The following NDUFB3 variants were observed in gnomAD, a reference collection of about 807,000 sequenced individuals.
The protein encoded by NDUFB3 is NADH:ubiquinone oxidoreductase subunit B3.
In NDUFB3, 7 loss-of-function variants were observed where a neutral mutation model predicts 9.0. The observed-to-expected ratio is 0.78, with a 90% CI of 0.44 to 1.46. NDUFB3 has a LOEUF of 1.46. Ranked by LOEUF, NDUFB3 falls within the 40% of genes most tolerant of loss-of-function variation. The pLI is 0.01. For synonymous variants in NDUFB3, 29 were observed against 38.5 expected, an observed-to-expected ratio of 0.75 and a Z score of 0.91; for missense variants, 93 against 115.4, an observed-to-expected ratio of 0.81 and a Z score of 0.89.
In NDUFB3 at chr2:201,072,025, G is replaced by A. The variant is rs543601685; in HGVS notation, c.-37G>A. On this transcript the variant is annotated 5_prime_UTR_variant, in exon 1 of 3. Coordinates refer to ENST00000237889, the MANE Select transcript of NDUFB3 (RefSeq NM_002491.3). Reference sequence around the variant, plus strand: ...CCGTTTCCGGTTGGCTCCGGTTGCAGAGTTGAGTGTCCTGAGAGGTCAGAT... The same window carrying A: ...CCGTTTCCGGTTGGCTCCGGTTGCAAAGTTGAGTGTCCTGAGAGGTCAGAT... 2.0e-5 allele frequency: 3 copies of A among 152,286 alleles called. No individual in the cohort carries two copies. The highest frequency in any genetic ancestry group is 4.4e-5 in the Non-Finnish European group (3 of 68,070). The allele number at this position is 152,286 out of a possible 1,614,324, so 9.4% of individuals were successfully genotyped here.
At chr2:201,083,356 T>C (rs1042416203) in intron 2 of NDUFB3, among the ~76,000 whole-genome samples, 2 of 148,554 alleles carry the variant, frequency 1.3e-5, no homozygotes, top group Admixed American at 1.3e-4. Context: ...TATTTCTTTT[T>C]TTTTTTTTTT....
rs192842973 is a variant in NDUFB3 at position 201,073,021 on chromosome 2, A to G, written c.-3+962A>G. 1.9e-3 allele frequency among the ~76,000 whole-genome samples: 287 copies of G among 152,282 alleles called. 1 individual carries two copies. The highest frequency in any genetic ancestry group is 6.3e-3 in the African/African-American group (260 of 41,558). On this transcript the variant is annotated intron_variant, in intron 1 of 2. Transcript: ENST00000237889. ...AGTATATATGTAGTGTTAAATTTTC[A>G]TGGCGGGGGGTGTGATTAGGAATAA...
chr2:201,078,273 G>T (rs760087838), intron 1 of NDUFB3, among the ~76,000 whole-genome samples: 1 of 152,090 alleles, frequency 6.6e-6, no homozygotes, highest in South Asian at 2.1e-4. Context: ...CTGCACTCCA[G>T]CCTGAGCGAC....
intron 1 of NDUFB3, among the ~76,000 whole-genome samples, chr2:201,072,663 T>A (rs1394929441): frequency 6.6e-6 from 1 of 152,232 alleles, no homozygotes; most frequent in African/African-American, 2.4e-5. Context: ...CTGTTATTAT[T>A]TGAGCTGCTC....
intron 2 of NDUFB3, among the ~76,000 whole-genome samples, chr2:201,080,170 A>G (rs2047207350): frequency 6.6e-6 from 1 of 152,222 alleles, no homozygotes; most frequent in African/African-American, 2.4e-5. Context: ...GATGAAGATT[A>G]GTATTTTTAC....
rs149610380 is a variant in NDUFB3 at position 201,073,269 on chromosome 2, A to T, written c.-3+1210A>T. Among the ~76,000 whole-genome samples, 396 of 152,300 alleles carry T rather than the reference A, an allele frequency of 2.6e-3. 1 individual carries two copies. Among genetic ancestry groups the T allele is most frequent in the Non-Finnish European group, 3.2e-3 (219 of 68,012 alleles). On this transcript the variant is annotated intron_variant, in intron 1 of 2. Transcript: ENST00000237889. ...CATTTCAATCTATATAAATGGGTTCAGAGTGCATGTGTATTTTTTTCTGAC... is the reference window on the plus strand; with the variant it reads ...CATTTCAATCTATATAAATGGGTTCTGAGTGCATGTGTATTTTTTTCTGAC...
chr2:201,073,264 G>A (rs1403859037), intron 1 of NDUFB3, among the ~76,000 whole-genome samples: 4 of 151,928 alleles, frequency 2.6e-5, no homozygotes, highest in Admixed American at 2.0e-4. Flanking sequence ...TATATAAATG[G>A]GTTCAGAGTG....
intron 2 of NDUFB3, among the ~76,000 whole-genome samples, chr2:201,079,267 C>A (rs535680125): frequency 1.4e-4 from 22 of 151,920 alleles, no homozygotes; most frequent in Non-Finnish European, 2.9e-4. Flanking sequence ...GCCTCAGCCT[C>A]CCAAGCAGCT....
intron 2 of NDUFB3, among the ~76,000 whole-genome samples, chr2:201,083,135 A>G (rs1179418571): frequency 6.6e-6 from 1 of 151,978 alleles, no homozygotes; most frequent in Non-Finnish European, 1.5e-5. Flanking sequence ...TAAACTTTTT[A>G]TTTCTTTTTC....
rs560441197 is a variant in NDUFB3, at chr2:201,085,553, G to A, written c.235G>A (p.Val79Met). 8 of 1,612,758 alleles carry A rather than the reference G, an allele frequency of 5.0e-6. No homozygotes were observed. The highest frequency in any genetic ancestry group is 1.7e-5 in the Admixed American group (1 of 59,914). ...ATTCAAATGGGGATTTGCTGCATTT[G>A]TGGTAGCTGTAGGAGCTGAATATTA... ...KGFKWGFAAF[V>M]VAVGAEYYLE... Residue 79 changes from valine to methionine, a missense_variant, in exon 3 of 3, where the codon GTG (valine) becomes ATG (methionine). Physicochemically the swap from Val to Met is conservative, Grantham distance 21. Transcript: ENST00000237889.
At chr2:201,078,052 C>T (rs1469161147) in intron 1 of NDUFB3, among the ~76,000 whole-genome samples, 1 of 151,626 alleles carries the variant, frequency 6.6e-6, no homozygotes, top group Non-Finnish European at 1.5e-5. Flanking sequence ...CTTGTAATCC[C>T]AGCACTTTGG....
At chr2:201,075,316 A>G (rs2047152185) in intron 1 of NDUFB3, among the ~76,000 whole-genome samples, 1 of 152,106 alleles carries the variant, frequency 6.6e-6, no homozygotes, top group Admixed American at 6.6e-5. Flanking sequence ...CTGTAATCCC[A>G]GCACTTTGGG....
At chr2:201,078,197 C>G (rs997399918) in intron 1 of NDUFB3, among the ~76,000 whole-genome samples, 2 of 151,986 alleles carry the variant, frequency 1.3e-5, no homozygotes, top group African/African-American at 2.4e-5. Flanking sequence ...AGCTACTCGC[C>G]AGGCTGAGGC....
Position 201,084,057 on chromosome 2 carries a change from G to A in NDUFB3, c.141-1402G>A, listed in dbSNP as rs982454426. Among the ~76,000 whole-genome samples, 4 of 152,104 alleles carry A rather than the reference G, an allele frequency of 2.6e-5. No homozygotes were observed. In the South Asian group the frequency reaches 6.2e-4, roughly 24 times the overall value. ...TGTAATCCCAGCACTTTGGGAGGCC[G>A]AGGTGGGTGAATCACAAGGTCAGAA... On this transcript the variant is annotated intron_variant, in intron 2 of 2. Coordinates refer to ENST00000237889, the MANE Select transcript of NDUFB3 (RefSeq NM_002491.3).
At chr2:201,074,371 G>A (rs567276784) in intron 1 of NDUFB3, among the ~76,000 whole-genome samples, 45 of 151,954 alleles carry the variant, frequency 3.0e-4, no homozygotes, top group African/African-American at 9.4e-4. Flanking sequence ...TCAAGTGCTA[G>A]TGGCTACCAT....
chr2:201,074,679 C>T (rs1269166340), intron 1 of NDUFB3, among the ~76,000 whole-genome samples: 1 of 152,086 alleles, frequency 6.6e-6, no homozygotes, highest in African/African-American at 2.4e-5. Flanking sequence ...CTGGTCTCAA[C>T]TCCTGGCCTC....
At chr2:201,073,325 A>C (rs1390584664) in intron 1 of NDUFB3, among the ~76,000 whole-genome samples, 3 of 152,186 alleles carry the variant, frequency 2.0e-5, no homozygotes, top group African/African-American at 7.2e-5. Context: ...ATATTTGTGG[A>C]GATTCAATCA....
chr2:201,076,504 T>TAC (rs2125532738), intron 1 of NDUFB3, among the ~76,000 whole-genome samples: 1 of 146,426 alleles, frequency 6.8e-6, no homozygotes, highest in African/African-American at 2.5e-5. Context: ...TATATATATA[T>TAC]ATATATATAA....
At chr2:201,075,509 T>C (rs1575542313) in intron 1 of NDUFB3, among the ~76,000 whole-genome samples, 1 of 135,732 alleles carries the variant, frequency 7.4e-6, no homozygotes, top group South Asian at 2.2e-4. Flanking sequence ...CAGGTTGCAG[T>C]GAGCCAAGAT....
Sources: allele counts gnomAD v4.1 joint callset (sites outside exome capture counted in the v4.1 genomes callset), GRCh38; gene constraint gnomAD v4.1.1; transcripts MANE v1.5; gene names NCBI Gene and HGNC (gene_info 2026-07-23, HGNC 2026-07-21).